The following VPS8 variants were observed in gnomAD, a reference collection of about 807,000 sequenced individuals.
The protein encoded by VPS8 is vacuolar protein sorting-associated protein 8 homolog.
Under a neutral mutation model 216.4 loss-of-function variants are expected in VPS8, and 129 were observed. The ratio of observed to expected loss-of-function variants is 0.60; its 90% CI spans 0.52 to 0.69. VPS8 has a LOEUF of 0.69. Among genes scored for constraint, VPS8 ranks in the 30% least tolerant of loss-of-function variants. The pLI, the probability that VPS8 is intolerant of heterozygous loss-of-function variation, is 0.00. For missense variants in VPS8, 1,531 were observed against 1,683.5 expected (o/e 0.91, Z 1.59); for synonymous variants, 571 against 565.4 (o/e 1.01, Z -0.14).
At chr3:184,828,679 A>G (rs1719340247) in intron 3 of VPS8, among the ~76,000 whole-genome samples, 1 of 152,172 alleles carries the variant, frequency 6.6e-6, no homozygotes, top group Admixed American at 6.5e-5. Context: ...GTTTCTGAGA[A>G]TAGTCCTAGG....
At chr3:184,830,863 G>C (rs1304137706) in intron 3 of VPS8, among the ~76,000 whole-genome samples, 1 of 152,174 alleles carries the variant, frequency 6.6e-6, no homozygotes, top group African/African-American at 2.4e-5. Context: ...CCTATGTGTA[G>C]AGATATCTGG....
Position 184,978,611 on chromosome 3 carries a change from G to A in VPS8, c.3421-3955G>A, listed in dbSNP as rs917394001. On this transcript the variant is annotated intron_variant, in intron 40 of 47. Transcript: ENST00000625842. ...AACAGGGTCTCCCCAGGTTGCTCAGGCTTGTCTCGAACTCCTGGACTCAAG... is the reference window on the plus strand; with the variant it reads ...AACAGGGTCTCCCCAGGTTGCTCAGACTTGTCTCGAACTCCTGGACTCAAG... 3.9e-5 allele frequency among the ~76,000 whole-genome samples: 6 copies of A among 152,160 alleles called. 1 individual carries two copies. The highest frequency in any genetic ancestry group is 1.2e-4 in the African/African-American group (5 of 41,522).
intron 21 of VPS8, among the ~76,000 whole-genome samples, chr3:184,878,340 A>G (rs1212339288): frequency 6.6e-6 from 1 of 151,980 alleles, no homozygotes; most frequent in Non-Finnish European, 1.5e-5. Flanking sequence ...CAAACTTCTG[A>G]CCTCATGATC....
chr3:184,952,720 A>C (rs1486142949), intron 36 of VPS8, among the ~76,000 whole-genome samples: 2 of 152,214 alleles, frequency 1.3e-5, no homozygotes, highest in African/African-American at 2.4e-5. Context: ...GCACAATCCA[A>C]ATGGGCTGTT....
At chr3:184,950,001 T>C (rs1034716039) in intron 36 of VPS8, among the ~76,000 whole-genome samples, 3 of 151,512 alleles carry the variant, frequency 2.0e-5, no homozygotes, top group Non-Finnish European at 2.9e-5. Flanking sequence ...CCCCCACCTC[T>C]TGGGTTCAAG....
chr3:185,042,791 T>A (rs1010051664), intron 46 of VPS8, among the ~76,000 whole-genome samples: 2 of 152,138 alleles, frequency 1.3e-5, no homozygotes, highest in African/African-American at 4.8e-5. Context: ...AATCCATTTT[T>A]AAAAAAATAT....
At chr3:184,914,459 T>G (rs2109081253) in intron 26 of VPS8, among the ~76,000 whole-genome samples, 1 of 152,346 alleles carries the variant, frequency 6.6e-6, no homozygotes, top group South Asian at 2.1e-4. Flanking sequence ...AAGGTTTGAT[T>G]TGGAGGTAAA....
intron 42 of VPS8, among the ~76,000 whole-genome samples, chr3:184,990,034 C>T (rs1208775653): frequency 6.6e-6 from 1 of 152,074 alleles, no homozygotes; most frequent in Non-Finnish European, 1.5e-5. Context: ...GACCACGCCA[C>T]TGCACTCCAG....
At chr3:184,963,531 C>T (rs9290806) in intron 37 of VPS8, among the ~76,000 whole-genome samples, 100,133 of 151,848 alleles carry the variant, frequency 0.66, 33,522 homozygotes, top group Middle Eastern at 0.78. Flanking sequence ...ATGGAGCAAC[C>T]AGGAAGAATT....
chr3:184,907,670 T>C (rs1387153197), intron 25 of VPS8, among the ~76,000 whole-genome samples: 1 of 152,238 alleles, frequency 6.6e-6, no homozygotes, highest in African/African-American at 2.4e-5. Flanking sequence ...TCTAGTTTGC[T>C]TATAGTTTTG....
intron 23 of VPS8, among the ~76,000 whole-genome samples, chr3:184,896,462 C>A (rs1326605085): frequency 6.6e-6 from 1 of 152,138 alleles, no homozygotes; most frequent in Non-Finnish European, 1.5e-5. Flanking sequence ...ACTGCCCTAT[C>A]TCACTCCTCC....
At chr3:184,840,031 C>T (rs1577830407) in intron 7 of VPS8, 2 of 637,194 alleles carry the variant, frequency 3.1e-6, no homozygotes, top group Non-Finnish European at 4.1e-6. Flanking sequence ...TTGAAGGGAA[C>T]CTTGGGTTAT....
intron 11 of VPS8, 119 bp from the exon 12 acceptor site, chr3:184,853,738 T>C (rs957967339): frequency 8.1e-6 from 8 of 983,238 alleles, no homozygotes; most frequent in Admixed American, 5.1e-5. Context: ...CCTGTGGAGC[T>C]TGGATTGTTG....
At chr3:184,944,412 C>G (rs1473698737) in intron 36 of VPS8, 2 of 681,964 alleles carry the variant, frequency 2.9e-6, no homozygotes, top group African/African-American at 3.9e-5. Flanking sequence ...ACGTAAAGCC[C>G]GACTCTACCC....
chr3:184,935,070 G>A (rs1741360598), intron 34 of VPS8, among the ~76,000 whole-genome samples: 1 of 152,050 alleles, frequency 6.6e-6, no homozygotes, highest in African/African-American at 2.4e-5. Context: ...GCTCATGCCT[G>A]TAATTCCAGC....
intron 39 of VPS8, among the ~76,000 whole-genome samples, 198 bp downstream of exon 39, chr3:184,966,911 T>G (rs1219351369): frequency 6.6e-6 from 1 of 152,232 alleles, no homozygotes; most frequent in Non-Finnish European, 1.5e-5. Context: ...CATTGTGGCT[T>G]TGTGATGTTA....
At chr3:184,967,388 G>A (rs1019511130) in intron 39 of VPS8, among the ~76,000 whole-genome samples, 4 of 152,148 alleles carry the variant, frequency 2.6e-5, no homozygotes, top group South Asian at 2.1e-4. Flanking sequence ...CTTCTAATTA[G>A]TAGGACATTG....
intron 45 of VPS8, among the ~76,000 whole-genome samples, chr3:185,006,993 A>G (rs925911703): frequency 6.6e-6 from 1 of 152,158 alleles, no homozygotes; most frequent in Non-Finnish European, 1.5e-5. Context: ...CTTCTGTCTC[A>G]CTGCTTTTTT....
intron 21 of VPS8, among the ~76,000 whole-genome samples, chr3:184,878,777 A>G (rs1473909313): frequency 6.6e-6 from 1 of 152,166 alleles, no homozygotes; most frequent in Non-Finnish European, 1.5e-5. Context: ...ATACATACAC[A>G]CATATACATG....
Sources: gnomAD v4.1 joint callset for allele counts (sites outside exome capture counted in the v4.1 genomes callset) on GRCh38, gnomAD v4.1.1 for gene constraint, MANE v1.5 for transcripts, NCBI Gene and HGNC (gene_info 2026-07-23, HGNC 2026-07-21) for gene names.